The following RICTOR variants were observed in gnomAD, a reference collection of about 807,000 sequenced individuals.
RICTOR encodes RPTOR independent companion of MTOR complex 2.
A neutral mutation model predicts 214.9 loss-of-function variants in RICTOR; 49 were observed. The ratio of observed to expected loss-of-function variants is 0.23; its 90% CI spans 0.18 to 0.29. The LOEUF (loss-of-function observed/expected upper bound fraction) is 0.29, where lower values mean the gene tolerates loss of function less well. RICTOR is among the 10% of genes least tolerant of loss of function. RICTOR has a pLI of 1.00. For missense variants in RICTOR, 1,625 were observed against 2,047.0 expected (o/e 0.79, Z 3.98); for synonymous variants, 717 against 711.3 (o/e 1.01, Z -0.13).
intron 6 of RICTOR, among the ~76,000 whole-genome samples, chr5:38,993,849 A>G (rs1752961819): frequency 6.6e-6 from 1 of 152,168 alleles, no homozygotes. Context: ...ATGGTTCAAT[A>G]TACATAAACT....
chr5:39,042,420 T>C (rs1307420557), intron 2 of RICTOR, among the ~76,000 whole-genome samples: 1 of 152,234 alleles, frequency 6.6e-6, no homozygotes, highest in Non-Finnish European at 1.5e-5. Flanking sequence ...GGTACTACTA[T>C]TATTGTCCTC....
chr5:38,950,566 C>T lies in RICTOR; in HGVS notation c.3282G>A (p.Val1094=). Residue 1094 remains valine (V), a synonymous_variant, in exon 31 of 38, where the codon GTG becomes GTA. Coordinates refer to ENST00000357387, the MANE Select transcript of RICTOR (RefSeq NM_152756.5). ...SFPFFASSKL[V]KNRILNSLTL... ...TAAGCGAATTTAAGATACGATTCTT[C>T]ACAAGTTTACTAGAAGCAAAGAAAG... 1 of 1,613,246 alleles carries T rather than the reference C, an allele frequency of 6.2e-7. No individual in the cohort carries two copies. The highest frequency in any genetic ancestry group is 2.2e-5 in the East Asian group (1 of 44,858).
rs531092857 is a variant in RICTOR, at chr5:38,965,202, A to G, written c.1300-310T>C. On this transcript the variant is annotated intron_variant, in intron 15 of 37. Transcript: ENST00000357387. ...CAATTCTTAAATGCCAGAAGGGATT[A>G]TATGTCAAAACATTACAGGAATCAA... Among the ~76,000 whole-genome samples, 45 of 152,126 alleles carry G rather than the reference A, an allele frequency of 3.0e-4. 1 individual carries two copies. Among genetic ancestry groups the G allele is most frequent in the African/African-American group, 9.4e-4 (39 of 41,574 alleles).
At chr5:39,067,720 C>A (rs75677390) in intron 2 of RICTOR, among the ~76,000 whole-genome samples, 1 of 152,188 alleles carries the variant, frequency 6.6e-6, no homozygotes, top group African/African-American at 2.4e-5. Flanking sequence ...TATATAATCA[C>A]GTGAAATTCA....
intron 7 of RICTOR, among the ~76,000 whole-genome samples, chr5:38,986,216 A>G (rs982145745): frequency 1.3e-5 from 2 of 151,988 alleles, no homozygotes; most frequent in Admixed American, 6.6e-5. Context: ...TAAAAGTGAC[A>G]CTTCCCCTTC....
At chr5:38,957,338 G>A (rs888486719) in intron 25 of RICTOR, among the ~76,000 whole-genome samples, 1 of 151,882 alleles carries the variant, frequency 6.6e-6, no homozygotes, top group Non-Finnish European at 1.5e-5. Flanking sequence ...CCATATTAAG[G>A]GACCGAAGAA....
At chr5:39,002,915 A>AC (rs1753749382) in intron 4 of RICTOR, among the ~76,000 whole-genome samples, 1 of 152,046 alleles carries the variant, frequency 6.6e-6, no homozygotes, top group South Asian at 2.1e-4. Flanking sequence ...GTTCTTTCTT[A>AC]CCTTCTGTAC....
chr5:39,024,481 G>T (rs930141783), intron 2 of RICTOR, among the ~76,000 whole-genome samples: 4 of 152,102 alleles, frequency 2.6e-5, no homozygotes, highest in Non-Finnish European at 5.9e-5. Context: ...TTATAAGCAA[G>T]TCAATGGCAT....
At chr5:38,990,577 G>A (rs62359810) in intron 7 of RICTOR, among the ~76,000 whole-genome samples, 6 of 132,950 alleles carry the variant, frequency 4.5e-5, no homozygotes, top group African/African-American at 9.9e-5. Context: ...CGATATATAT[G>A]ATATATACAT....
At position 39,056,953 on chromosome 5, in the gene RICTOR, G is replaced by A. The variant is rs915029979; in HGVS notation, c.97+17158C>T. On this transcript the variant is annotated intron_variant, in intron 2 of 37. Transcript: ENST00000357387. The stretch of plus-strand genomic sequence containing the variant: ...AGGTAGCCAGGGACTAGATTACAAT[G>A]ACAGTATTGCATATAGTGGCAATTT... 5.9e-5 allele frequency among the ~76,000 whole-genome samples: 9 copies of A among 152,296 alleles called. No individual in the cohort carries two copies. The East Asian group carries it at 1.7e-3, about 29-fold the overall frequency.
intron 9 of RICTOR, among the ~76,000 whole-genome samples, chr5:38,977,077 T>C (rs2150052030): frequency 6.6e-6 from 1 of 152,268 alleles, no homozygotes; most frequent in Non-Finnish European, 1.5e-5. Flanking sequence ...CTGAAAGCAG[T>C]AGAAAGATTC....
Position 39,021,123 on chromosome 5 carries a change from G to C in RICTOR, c.111C>G (p.Asn37Lys), listed in dbSNP as rs1449207235. ...CCACATTTTGGAGAATCTCTCTTAAGTTATCAGAAGGTTCTAGAAGGAAAG... is the reference window on the plus strand; with the variant it reads ...CCACATTTTGGAGAATCTCTCTTAACTTATCAGAAGGTTCTAGAAGGAAAG... ...PLDLTREPSD[N>K]LREILQNVAR... The change falls in exon 3 of 38, where the codon AAC (asparagine) becomes AAG (lysine). Residue 37 changes from asparagine (N) to lysine (K), a missense_variant. By Grantham distance (94) the Asn-to-Lys change is moderately conservative. Around this residue, in one of 5 missense-constraint regions of RICTOR, gnomAD observed 71 missense variants for 57.9 expected, o/e 1.23. Transcript: ENST00000357387. The C allele has an allele frequency of 6.4e-7, 1 of 1,572,908 alleles. No homozygotes were observed. The highest frequency in any genetic ancestry group is 1.7e-5 in the Admixed American group (1 of 59,960).
intron 2 of RICTOR, among the ~76,000 whole-genome samples, chr5:39,061,694 G>GT (rs1339021337): frequency 6.6e-6 from 1 of 151,404 alleles, no homozygotes; most frequent in East Asian, 1.9e-4. Flanking sequence ...ATCAAGTAGA[G>GT]TTTTTTTAGT....
intron 2 of RICTOR, among the ~76,000 whole-genome samples, chr5:39,023,877 G>C (rs1296239095): frequency 6.6e-6 from 1 of 152,184 alleles, no homozygotes; most frequent in Non-Finnish European, 1.5e-5. Flanking sequence ...TACATGCTGA[G>C]ATCAATCATT....
chr5:38,967,120 A>G (rs1295969893), intron 14 of RICTOR, 41 bp downstream of exon 14: 4 of 1,452,712 alleles, frequency 2.8e-6, no homozygotes, highest in East Asian at 2.3e-5. Flanking sequence ...CTGTTAGAGA[A>G]AATAAACAAA....
chr5:39,039,218 G>T (rs968072920), intron 2 of RICTOR, among the ~76,000 whole-genome samples: 1 of 152,108 alleles, frequency 6.6e-6, no homozygotes, highest in Admixed American at 6.5e-5. Context: ...AATGGGGAAA[G>T]GATTCCCTAT....
chr5:39,053,569 T>A lies in RICTOR; in HGVS notation c.97+20542A>T, dbSNP rs577710752. ...AGCACAAAAATAAATATTTATTAAA[T>A]AAATGTTTATTAAATCCGCAGAATT... On this transcript the variant is annotated intron_variant, in intron 2 of 37. Coordinates refer to ENST00000357387, the MANE Select transcript of RICTOR (RefSeq NM_152756.5). Among the ~76,000 whole-genome samples the A allele has an allele frequency of 1.7e-3, 253 of 152,278 alleles. 1 individual carries two copies. The Middle Eastern group carries it at 0.041, about 25-fold the overall frequency.
At position 38,945,478 on chromosome 5, in the gene RICTOR, C is replaced by G; in HGVS notation, c.4633+13G>C. On this transcript the variant is annotated intron_variant, in intron 34 of 37. Coordinates refer to ENST00000357387, the MANE Select transcript of RICTOR (RefSeq NM_152756.5). ...TCACTAGGTTTTTCTGAAGGTGGGA[C>G]GTGATCACTTACCTGAATGACTACA... The G allele has an allele frequency of 6.4e-7, 1 of 1,553,288 alleles. No homozygotes were observed. Among genetic ancestry groups the G allele is most frequent in the Non-Finnish European group, 8.9e-7 (1 of 1,126,708 alleles).
intron 2 of RICTOR, among the ~76,000 whole-genome samples, chr5:39,061,063 G>C (rs1431014809): frequency 6.6e-6 from 1 of 152,014 alleles, no homozygotes; most frequent in Non-Finnish European, 1.5e-5. Context: ...AAATATGGCA[G>C]CTGCTGCTAC....
Sources: gnomAD v4.1 joint callset for allele counts (sites outside exome capture counted in the v4.1 genomes callset) on GRCh38, gnomAD v4.1.1 for gene constraint, gnomAD v4.1.1 regional missense constraint, MANE v1.5 for transcripts, NCBI Gene and HGNC (gene_info 2026-07-23, HGNC 2026-07-21) for gene names.